Variants in ERC2 observed in about 807,000 individuals in gnomAD.
ERC2 encodes ELKS/RAB6-interacting/CAST family member 2, also known as ERC protein 2.
Under a neutral mutation model 114.8 loss-of-function variants are expected in ERC2, and 42 were observed. That is an observed-to-expected ratio of 0.37 (90% CI 0.29 to 0.47). The LOEUF (loss-of-function observed/expected upper bound fraction) is 0.47, where lower values mean the gene tolerates loss of function less well. Ranked by LOEUF, ERC2 falls within the 20% of genes least tolerant of loss-of-function variation. The pLI, the probability that ERC2 is intolerant of heterozygous loss-of-function variation, is 0.99. For synonymous variants in ERC2, 454 were observed against 425.5 expected (o/e 1.07, Z -0.82); for missense variants, 939 against 1,150.7 (o/e 0.82, Z 2.66).
intron 3 of ERC2, among the ~76,000 whole-genome samples, chr3:56,275,089 A>G (rs932079312): frequency 7.9e-5 from 12 of 152,228 alleles, no homozygotes; most frequent in African/African-American, 2.9e-4. Context: ...AAGAGTTCAC[A>G]AGGCCCAGGA....
rs2074477738 is a variant in ERC2 at position 56,032,913 on chromosome 3, A to AAGAAAGAGAGAGAGAGAC, written c.1642-13883_1642-13882insGTCTCTCTCTCTCTTTCT. On this transcript the variant is annotated intron_variant, in intron 7 of 17. Transcript: ENST00000288221. ...AGAGAGAGAGAGACAGAAAGAAAGA[A>AAGAAAGAGAGAGAGAGAC]AGAAAGAAAGAAAGAAAGAAAGAAA... Among the ~76,000 whole-genome samples, 30 of 68,690 alleles carry AAGAAAGAGAGAGAGAGAC rather than the reference A, an allele frequency of 4.4e-4. 2 individuals carry two copies. The highest frequency in any genetic ancestry group is 7.4e-4 in the East Asian group (2 of 2,710). 45.1% of individuals were successfully genotyped at this position (68,690 alleles called of 152,430 possible). A position where few individuals can be genotyped will look rare whatever the true frequency, so the allele number is the denominator to read the frequency against.
At chr3:55,876,052 A>G (rs1159142398) in intron 14 of ERC2, among the ~76,000 whole-genome samples, 1 of 152,214 alleles carries the variant, frequency 6.6e-6, no homozygotes, top group East Asian at 1.9e-4. Flanking sequence ...TATAATTTTC[A>G]TCAACATTCA....
intron 3 of ERC2, among the ~76,000 whole-genome samples, chr3:56,256,795 G>T (rs1015707192): frequency 6.6e-6 from 1 of 152,070 alleles, no homozygotes; most frequent in African/African-American, 2.4e-5. Flanking sequence ...GTGTTTGGAG[G>T]TTCCTCCTTC....
intron 5 of ERC2, among the ~76,000 whole-genome samples, chr3:56,144,276 AC>A (rs1296526571): frequency 6.6e-6 from 1 of 152,242 alleles, no homozygotes; most frequent in African/African-American, 2.4e-5. Flanking sequence ...TCTCTCTCAT[AC>A]ATAACAAGAA....
At chr3:55,708,038 T>G (rs815422) in intron 15 of ERC2, among the ~76,000 whole-genome samples, 81,179 of 151,976 alleles carry the variant, frequency 0.53, 22,777 homozygotes, top group South Asian at 0.73. Context: ...CATAAACAAA[T>G]CAAGACTGAC....
At chr3:55,661,332 G>A (rs565770125) in intron 17 of ERC2, among the ~76,000 whole-genome samples, 94 of 152,252 alleles carry the variant, frequency 6.2e-4, no homozygotes, top group African/African-American at 2.1e-3. Flanking sequence ...ATTCAGCTCC[G>A]TCTGGTTGTG....
intron 14 of ERC2, among the ~76,000 whole-genome samples, chr3:55,759,327 A>G (rs1311026353): frequency 6.6e-6 from 1 of 152,100 alleles, no homozygotes; most frequent in Non-Finnish European, 1.5e-5. Context: ...CAATAATATG[A>G]CTGCTCCACA....
At chr3:56,394,156 G>A (rs1039564246) in intron 2 of ERC2, among the ~76,000 whole-genome samples, 5 of 152,148 alleles carry the variant, frequency 3.3e-5, no homozygotes, top group African/African-American at 1.2e-4. Flanking sequence ...AAGCAGAAGT[G>A]AAAACTATCA....
chr3:55,864,158 C>CATAT lies in ERC2; in HGVS notation c.2564+24227_2564+24230dup, dbSNP rs780686057. On this transcript the variant is annotated intron_variant, in intron 14 of 17. Coordinates refer to ENST00000288221, the MANE Select transcript of ERC2 (RefSeq NM_015576.3). ...ATATATACATATATATATATATACACATATATATACACATATATATATACA... is the reference window on the plus strand; with the variant it reads ...ATATATACATATATATATATATACACATATATATATATACACATATATATATACA... 1.6e-3 allele frequency among the ~76,000 whole-genome samples: 182 copies of CATAT among 112,914 alleles called. 1 individual carries two copies. Among genetic ancestry groups the CATAT allele is most frequent in the African/African-American group, 6.5e-3 (168 of 25,736 alleles). 74.1% of individuals were successfully genotyped at this position (112,914 alleles called of 152,430 possible).
At chr3:55,998,515 A>T (rs2071780048) in intron 10 of ERC2, among the ~76,000 whole-genome samples, 1 of 152,154 alleles carries the variant, frequency 6.6e-6, no homozygotes, top group Non-Finnish European at 1.5e-5. Context: ...GTGTGTATGC[A>T]TGTGTTTACA....
chr3:55,699,992 G>A (rs1323298038), intron 15 of ERC2, among the ~76,000 whole-genome samples: 1 of 152,156 alleles, frequency 6.6e-6, no homozygotes, highest in Non-Finnish European at 1.5e-5. Flanking sequence ...CCACTTGAAC[G>A]CTGCCAAATG....
chr3:56,437,472 T>G (rs899558369), intron 1 of ERC2, among the ~76,000 whole-genome samples: 1 of 152,254 alleles, frequency 6.6e-6, no homozygotes, highest in Admixed American at 6.5e-5. Flanking sequence ...GATGCATTTG[T>G]CTATAAATTT....
intron 14 of ERC2, among the ~76,000 whole-genome samples, chr3:55,793,287 G>T (rs1016791043): frequency 1.3e-5 from 2 of 152,128 alleles, no homozygotes; most frequent in African/African-American, 4.8e-5. Flanking sequence ...GAGAACTCCT[G>T]GTTTAGCCTT....
intron 2 of ERC2, 32 bp downstream of exon 2, chr3:56,434,319 G>C: frequency 6.3e-7 from 1 of 1,595,350 alleles, no homozygotes; most frequent in Admixed American, 1.7e-5. Context: ...AGAAGCCAAG[G>C]CTGAAAAATA....
chr3:56,152,841 A>C (rs1226503215), intron 4 of ERC2, among the ~76,000 whole-genome samples: 1 of 152,196 alleles, frequency 6.6e-6, no homozygotes, highest in African/African-American at 2.4e-5. Flanking sequence ...ATTCATACCC[A>C]AGACTATTTT....
intron 14 of ERC2, among the ~76,000 whole-genome samples, chr3:55,876,380 C>T (rs895007725): frequency 6.6e-6 from 1 of 152,114 alleles, no homozygotes; most frequent in South Asian, 2.1e-4. Context: ...ATCCAGGCAG[C>T]AGTTTGTTTC....
At chr3:56,441,040 T>TAGA (rs1330292253) in intron 1 of ERC2, among the ~76,000 whole-genome samples, 11 of 152,126 alleles carry the variant, frequency 7.2e-5, no homozygotes, top group African/African-American at 2.7e-4. Flanking sequence ...ACAAATGCAG[T>TAGA]AGAGGAGACA....
chr3:55,569,900 C>G (rs1240126241), intron 17 of ERC2, among the ~76,000 whole-genome samples: 2 of 136,854 alleles, frequency 1.5e-5, no homozygotes, highest in African/African-American at 5.5e-5. Context: ...GTTTATTACT[C>G]AGGCTGGAGT....
intron 3 of ERC2, among the ~76,000 whole-genome samples, chr3:56,261,339 C>T (rs151228057): frequency 4.0e-4 from 61 of 151,098 alleles, no homozygotes; most frequent in Middle Eastern, 3.4e-3. Flanking sequence ...CATAAGGATA[C>T]GTACACTATC....
Sources: allele counts gnomAD v4.1 joint callset (sites outside exome capture counted in the v4.1 genomes callset), GRCh38; gene constraint gnomAD v4.1.1; transcripts MANE v1.5; gene names NCBI Gene and HGNC (gene_info 2026-07-23, HGNC 2026-07-21).